Variants in ADGRG1 observed in about 807,000 individuals in gnomAD.
The protein encoded by ADGRG1 is 7-transmembrane protein with no EGF-like N-terminal domains-1.
A neutral mutation model predicts 73.5 loss-of-function variants in ADGRG1; 53 were observed. That is an observed-to-expected ratio of 0.72 (90% CI 0.58 to 0.91). The LOEUF is 0.91. Ranked by LOEUF, ADGRG1 falls within the 40% of genes least tolerant of loss-of-function variation. The probability of loss-of-function intolerance (pLI) is 0.00; values close to 1 mark genes in which losing one functional copy is unlikely to be tolerated. For synonymous variants in ADGRG1, 394 were observed against 374.4 expected (o/e 1.05, Z -0.60); for missense variants, 795 against 871.8 (o/e 0.91, Z 1.11).
intron 1 of ADGRG1, chr16:57,632,087 C>T: frequency 1.0e-6 from 1 of 985,484 alleles, no homozygotes; most frequent in Non-Finnish European, 1.2e-6. Context: ...GTGCCTTGCA[C>T]ACGACACCCA....
Position 57,651,633 on chromosome 16 carries a change from T to C in ADGRG1, c.487+11T>C, listed in dbSNP as rs765292755. 1 of 1,612,524 alleles carries C rather than the reference T, an allele frequency of 6.2e-7. No homozygotes were observed. Among genetic ancestry groups the C allele is most frequent in the Non-Finnish European group, 8.5e-7 (1 of 1,179,486 alleles). On this transcript the variant is annotated intron_variant, in intron 3 of 13. Coordinates refer to ENST00000562631, the MANE Select transcript of ADGRG1 (RefSeq NM_201525.4). ...CCTTCTCCTTCCACAGTAAGGCAAC[T>C]TCCAGGCGGAGGGAACAACTGGGCA...
At chr16:57,639,956 T>TATTTCCTTGTAGTTG in intron 1 of ADGRG1, 1 of 617,134 alleles carries the variant, frequency 1.6e-6, no homozygotes, top group Non-Finnish European at 2.0e-6. Flanking sequence ...CAGCCTCAAC[T>TATTTCCTTGTAGTTG]ACAAGGAAAT....
intron 1 of ADGRG1, among the ~76,000 whole-genome samples, chr16:57,644,622 A>G (rs925240229): frequency 2.7e-5 from 4 of 149,140 alleles, no homozygotes; most frequent in South Asian, 2.1e-4. Context: ...ACCCATGCGC[A>G]CACACATGCA....
chr16:57,639,026 C>A (rs1218708678), intron 1 of ADGRG1, among the ~76,000 whole-genome samples: 20 of 151,238 alleles, frequency 1.3e-4, no homozygotes, highest in African/African-American at 4.9e-4. Flanking sequence ...GCTGAGATCA[C>A]GCCACTGCAC....
chr16:57,634,214 C>A (rs2038776575), intron 1 of ADGRG1: 5 of 985,434 alleles, frequency 5.1e-6, no homozygotes, highest in Non-Finnish European at 6.0e-6. Context: ...TGAGTCTGGG[C>A]CTCAGGGTGT....
chr16:57,645,651 T>G (rs967580920), intron 1 of ADGRG1, among the ~76,000 whole-genome samples: 2 of 152,140 alleles, frequency 1.3e-5, no homozygotes, highest in Non-Finnish European at 2.9e-5. Flanking sequence ...TTCCCAAGCC[T>G]GCAGTATGTC....
chr16:57,648,498 A>C (rs890347410), intron 1 of ADGRG1: 143 of 969,996 alleles, frequency 1.5e-4, no homozygotes, highest in Non-Finnish European at 1.7e-4. Flanking sequence ...ACATGGTGGG[A>C]CGCAGGGAAC....
intron 1 of ADGRG1, chr16:57,639,157 A>C (rs749930966): frequency 1.9e-6 from 1 of 534,328 alleles, no homozygotes; most frequent in Non-Finnish European, 2.4e-6. Flanking sequence ...GCCTCTCTCG[A>C]GAAATTGGAA....
At chr16:57,647,703 A>G in intron 1 of ADGRG1, 4 of 750,204 alleles carry the variant, frequency 5.3e-6, no homozygotes, top group Non-Finnish European at 6.5e-6. Context: ...CCTCCCCTCA[A>G]GCCTCAAGCA....
intron 13 of ADGRG1, chr16:57,663,148 G>A (rs1214689362): frequency 3.2e-6 from 3 of 927,020 alleles, no homozygotes; most frequent in Non-Finnish European, 3.9e-6. Context: ...CACAGTTTGA[G>A]CCCTGGCTCA....
chr16:57,656,613 T>C lies in ADGRG1; in HGVS notation c.1163T>C (p.Leu388Pro). 6.3e-7 allele frequency: 1 copy of C among 1,599,086 alleles called. No homozygotes were observed. Among genetic ancestry groups the C allele is most frequent in the Non-Finnish European group, 8.6e-7 (1 of 1,166,288 alleles). Reference sequence around the variant, plus strand: ...AACCACTTGACCTACTTTGCAGTGCTGATGGTGAGGGTCCCTGCTCCCACC... The same window carrying C: ...AACCACTTGACCTACTTTGCAGTGCCGATGGTGAGGGTCCCTGCTCCCACC... ...FCNHLTYFAV[L>P]MVSSVEVDAV... Residue 388 changes from leucine to proline, a missense_variant, in exon 9 of 14, where the codon CTG becomes CCG. Leu to Pro is a moderately conservative substitution (Grantham distance 98). Coordinates refer to ENST00000562631, the MANE Select transcript of ADGRG1 (RefSeq NM_201525.4).
intron 2 of ADGRG1, chr16:57,650,998 G>T (rs1034949823): frequency 1.0e-5 from 10 of 976,610 alleles, no homozygotes; most frequent in Non-Finnish European, 1.2e-5. Flanking sequence ...GTGAGCCACC[G>T]CGCCCGGCCT....
chr16:57,658,491 G>A (rs1179019980), intron 10 of ADGRG1, among the ~76,000 whole-genome samples: 2 of 152,246 alleles, frequency 1.3e-5, no homozygotes, highest in Non-Finnish European at 1.5e-5. Context: ...GGAAGGAGAG[G>A]AAAGTGAAGC....
At chr16:57,658,253 A>G (rs2046239987) in intron 10 of ADGRG1, among the ~76,000 whole-genome samples, 2 of 152,206 alleles carry the variant, frequency 1.3e-5, no homozygotes, top group Admixed American at 1.3e-4. Context: ...TGTGCCATGC[A>G]CTGTTCTAAG....
rs1390030184 is a variant in ADGRG1, at chr16:57,656,521, C to T, written c.1071C>T (p.Ser357=). The change falls in exon 9 of 14, where the codon AGC becomes AGT. Residue 357 remains serine (S), a synonymous_variant. Coordinates refer to ENST00000562631, the MANE Select transcript of ADGRG1 (RefSeq NM_201525.4). ...VFWVEDPTLS[S]PGHWSSAGCE... Reference sequence around the variant, plus strand: ...GTGCTGTCCCCTCCTCAGTGAGCAGCCCGGGGCATTGGAGCAGTGCTGGGT... The same window carrying T: ...GTGCTGTCCCCTCCTCAGTGAGCAGTCCGGGGCATTGGAGCAGTGCTGGGT... The T allele has an allele frequency of 1.2e-6, 2 of 1,612,678 alleles. No homozygotes were observed.
intron 1 of ADGRG1, chr16:57,639,675 G>A (rs2040267659): frequency 9.1e-6 from 9 of 985,168 alleles, no homozygotes; most frequent in Non-Finnish European, 1.1e-5. Context: ...GTCCAGGTAC[G>A]ATTCTCCCGC....
intron 8 of ADGRG1, 61 bp downstream of exon 8, chr16:57,656,332 G>C: frequency 6.2e-7 from 1 of 1,609,026 alleles, no homozygotes; most frequent in Non-Finnish European, 8.5e-7. Flanking sequence ...AGTCCTGGGG[G>C]GTGGGGGAGG....
At position 57,651,489 on chromosome 16, in the gene ADGRG1, C is replaced by G. The variant is rs1375840147; in HGVS notation, c.354C>G (p.Ser118Arg). The part of the protein sequence containing the change: ...RDFLLSDKAS[S>R]LLCFQHQEES... ...TCTTGCTGAGTGACAAAGCCTCTAGCCTCCTCTGCTTCCAGCACCAGGAGG... is the reference window on the plus strand; with the variant it reads ...TCTTGCTGAGTGACAAAGCCTCTAGGCTCCTCTGCTTCCAGCACCAGGAGG... The change falls in exon 3 of 14, where the codon AGC (serine) becomes AGG (arginine). Residue 118 changes from serine to arginine, a missense_variant. Coordinates refer to ENST00000562631, the MANE Select transcript of ADGRG1 (RefSeq NM_201525.4). 1.2e-6 allele frequency: 2 copies of G among 1,614,232 alleles called. No individual in the cohort carries two copies. The highest frequency in any genetic ancestry group is 2.2e-5 in the East Asian group (1 of 44,890).
rs537019054 is a variant in ADGRG1, at chr16:57,660,781, T to C, written c.1569T>C (p.Phe523=). The C allele has an allele frequency of 6.2e-7, 1 of 1,611,240 alleles. No individual in the cohort carries two copies. Among genetic ancestry groups the C allele is most frequent in the East Asian group, 2.2e-5 (1 of 44,844 alleles). The change falls in exon 12 of 14, where the codon TTT becomes TTC. Residue 523 remains phenylalanine, a synonymous_variant. Coordinates refer to ENST00000562631, the MANE Select transcript of ADGRG1 (RefSeq NM_201525.4). The stretch of plus-strand genomic sequence containing the variant: ...TGCCACCCTCAGGCTTCCCCATCTT[T>C]CTGGTGACGCTGGTGGCCCTGGTGG... ...LSAMGWGFPI[F]LVTLVALVDV... is the part of the protein sequence containing the mutation.
Sources: allele counts gnomAD v4.1 joint callset (sites outside exome capture counted in the v4.1 genomes callset), GRCh38; gene constraint gnomAD v4.1.1; transcripts MANE v1.5; gene names NCBI Gene and HGNC (gene_info 2026-07-23, HGNC 2026-07-21).